The following NMBR variants were observed in gnomAD, a reference collection of about 807,000 sequenced individuals.
NMBR encodes neuromedin-B receptor.
NMBR carries 16 observed loss-of-function variants against 20.5 expected under a neutral mutation model. That is an observed-to-expected ratio of 0.78 (90% CI 0.53 to 1.19). NMBR has a LOEUF of 1.19. Ranked by LOEUF, NMBR falls within the 50% of genes most tolerant of loss-of-function variation. NMBR has a pLI of 0.00. For missense variants in NMBR, 582 were observed against 499.1 expected (o/e 1.17, Z -1.58); for synonymous variants, 212 against 196.6 (o/e 1.08, Z -0.65).
At chr6:142,122,543 C>G (rs544479972) in intron 1 of NMBR, among the ~76,000 whole-genome samples, 15 of 151,934 alleles carry the variant, frequency 9.9e-5, no homozygotes, top group South Asian at 8.3e-4. Context: ...CAGCTTTATA[C>G]TGGGAAAAGA....
intron 2 of NMBR, among the ~76,000 whole-genome samples, chr6:142,080,347 G>C (rs1582835373): frequency 8.5e-6 from 1 of 117,070 alleles, no homozygotes. Flanking sequence ...GTCTCACTCT[G>C]TCACCCAGGC....
chr6:142,111,115 G>A lies in NMBR; in HGVS notation c.-663-21794C>T, dbSNP rs1425685550. ...ATTAGCCAGGAGTGGTGGCATGCGC[G>A]TGTATTCCCAACTACTCAGGAGTCT... is the stretch of plus-strand genomic sequence containing the variant. On this transcript the variant is annotated intron_variant, in intron 1 of 3. Transcript: ENST00000258042. Among the ~76,000 whole-genome samples the A allele has an allele frequency of 7.9e-5, 12 of 151,944 alleles. No homozygotes were observed. In the South Asian group the frequency reaches 1.9e-3, roughly 24 times the overall value.
At chr6:142,090,053 T>C (rs1226480103) in intron 1 of NMBR, among the ~76,000 whole-genome samples, 1 of 152,178 alleles carries the variant, frequency 6.6e-6, no homozygotes, top group Non-Finnish European at 1.5e-5. Flanking sequence ...GATTGAGTAA[T>C]GCCACTCGTA....
At chr6:142,113,824 A>G (rs563380189) in intron 1 of NMBR, among the ~76,000 whole-genome samples, 1 of 152,184 alleles carries the variant, frequency 6.6e-6, no homozygotes, top group Non-Finnish European at 1.5e-5. Context: ...CCTCTAAATG[A>G]TTGTCATAAA....
intron 1 of NMBR, among the ~76,000 whole-genome samples, chr6:142,103,869 T>C (rs1438545005): frequency 2.0e-5 from 3 of 152,200 alleles, no homozygotes; most frequent in South Asian, 2.1e-4. Context: ...CATTAAAGTG[T>C]TGAAAATTCT....
In NMBR at chr6:142,079,903, C is replaced by T. The variant is rs991627961; in HGVS notation, c.423-1000G>A. Among the ~76,000 whole-genome samples the T allele has an allele frequency of 1.2e-4, 18 of 152,154 alleles. No individual in the cohort carries two copies. The East Asian group carries it at 3.1e-3, about 26-fold the overall frequency. On this transcript the variant is annotated intron_variant, in intron 2 of 3. Transcript: ENST00000258042. ...CCAGGACACAGTAAACAATCCAAAACTTTCTACAGCTAACTCAAACACACA... is the reference window on the plus strand; with the variant it reads ...CCAGGACACAGTAAACAATCCAAAATTTTCTACAGCTAACTCAAACACACA...
In NMBR at chr6:142,088,987, T is replaced by C. The variant is rs1777264799; in HGVS notation, c.-329A>G. Reference sequence around the variant, plus strand: ...GCGGTTATCTAGCGGAAAACAGCCTTTCAGGAACAAGGAGCTGTCCCTTGG... The same window carrying C: ...GCGGTTATCTAGCGGAAAACAGCCTCTCAGGAACAAGGAGCTGTCCCTTGG... On this transcript the variant is annotated 5_prime_UTR_variant, in exon 2 of 4. Transcript: ENST00000258042. Among the ~76,000 whole-genome samples the C allele has an allele frequency of 6.6e-6, 1 of 151,974 alleles. No individual in the cohort carries two copies. Among genetic ancestry groups the C allele is most frequent in the South Asian group, 2.1e-4 (1 of 4,822 alleles).
intron 1 of NMBR, among the ~76,000 whole-genome samples, chr6:142,132,582 C>A (rs946097241): frequency 1.3e-5 from 2 of 152,088 alleles, no homozygotes; most frequent in African/African-American, 4.8e-5. Context: ...AATGCAATAA[C>A]TATTATATCC....
At chr6:142,132,899 G>A (rs768146041) in intron 1 of NMBR, among the ~76,000 whole-genome samples, 10 of 152,154 alleles carry the variant, frequency 6.6e-5, no homozygotes, top group Admixed American at 3.9e-4. Flanking sequence ...GACAGTGTAA[G>A]TCAAGGGATT....
At chr6:142,143,831 A>C (rs1035079997) in intron 1 of NMBR, among the ~76,000 whole-genome samples, 4 of 151,658 alleles carry the variant, frequency 2.6e-5, no homozygotes, top group African/African-American at 9.7e-5. Flanking sequence ...TACTCTGAAG[A>C]CTTCTTTAAA....
In NMBR at chr6:142,088,856, C is replaced by A. The variant is rs1777260430; in HGVS notation, c.-198G>T. ...GGTCTGTCCACACACTCGGGCGCTC[C>A]GCTTCTAGAGGGGGGAAATGGCTCC... is the stretch of plus-strand genomic sequence containing the variant. On this transcript the variant is annotated 5_prime_UTR_variant, in exon 2 of 4. Transcript: ENST00000258042. The A allele has an allele frequency of 3.9e-6, 2 of 516,250 alleles. No homozygotes were observed. Among genetic ancestry groups the A allele is most frequent in the Non-Finnish European group, 6.9e-6 (2 of 290,832 alleles). The allele number at this position is 516,250 out of a possible 1,614,324, so 32.0% of individuals were successfully genotyped here. A position where few individuals can be genotyped will look rare whatever the true frequency, so the allele number is the denominator to read the frequency against.
rs1777241716 is a variant in NMBR at position 142,088,393 on chromosome 6, TC to T, written c.265del (p.Asp89ThrfsTer30). On this transcript the variant is annotated frameshift_variant, in exon 2 of 4. Transcript: ENST00000258042. LOFTEE classifies it high-confidence loss of function. ...GACGCAGGTGAGCAGCAGCAGCAAGTCCCCGGCCGCCAGGTTAGAGATGAAG... is the reference window on the plus strand; with the variant it reads ...GACGCAGGTGAGCAGCAGCAGCAAGTCCCGGCCGCCAGGTTAGAGATGAAG... Reference protein sequence around the residue: ...NIFISNLAAGDLLLLLTCVPV... With the variant: ...NIFISNLAAGXLLLLLTCVPV... 6.2e-7 allele frequency: 1 copy of T among 1,613,644 alleles called. No homozygotes were observed. Among genetic ancestry groups the T allele is most frequent in the Non-Finnish European group, 8.5e-7 (1 of 1,179,912 alleles).
intron 2 of NMBR, among the ~76,000 whole-genome samples, chr6:142,081,021 T>C (rs1777082426): frequency 6.6e-6 from 1 of 152,202 alleles, no homozygotes; most frequent in Non-Finnish European, 1.5e-5. Flanking sequence ...CAACATAAAT[T>C]TGTCACAATT....
At chr6:142,127,371 C>A (rs1013954140) in intron 1 of NMBR, among the ~76,000 whole-genome samples, 1 of 151,912 alleles carries the variant, frequency 6.6e-6, no homozygotes, top group Non-Finnish European at 1.5e-5. Context: ...CAATACTATA[C>A]TATTTTGATT....
Position 142,078,592 on chromosome 6 carries a change from TTG to T in NMBR, c.732_733del (p.His244GlnfsTer8). Reference sequence around the variant, plus strand: ...ATGTTCATTGTATTCTCCAGGAAGATTGTGTGCGCTTTTAATTAAGGTCTTTG... The same window carrying T: ...ATGTTCATTGTATTCTCCAGGAAGATTGTGCGCTTTTAATTAAGGTCTTTG... On this transcript the variant is annotated frameshift_variant, in exon 3 of 4. Transcript: ENST00000258042. LOFTEE classifies it high-confidence loss of function. 2 of 1,608,690 alleles carry T rather than the reference TTG, an allele frequency of 1.2e-6. No individual in the cohort carries two copies. The highest frequency in any genetic ancestry group is 1.7e-6 in the Non-Finnish European group (2 of 1,177,246).
At chr6:142,082,994 T>C (rs571836706) in intron 2 of NMBR, among the ~76,000 whole-genome samples, 3 of 152,292 alleles carry the variant, frequency 2.0e-5, no homozygotes, top group South Asian at 2.1e-4. Context: ...AAGTTTCAGA[T>C]CAAGGTAGAT....
intron 1 of NMBR, chr6:142,133,148 T>C (rs1186572889): frequency 3.0e-6 from 2 of 670,142 alleles, no homozygotes; most frequent in Non-Finnish European, 5.4e-6. Context: ...CAGGATAACA[T>C]CTCCTGAGAC....
At chr6:142,126,879 T>G (rs1778049165) in intron 1 of NMBR, among the ~76,000 whole-genome samples, 1 of 150,896 alleles carries the variant, frequency 6.6e-6, no homozygotes, top group African/African-American at 2.4e-5. Flanking sequence ...AGGTTGCTCA[T>G]TCAATGTTGG....
chr6:142,109,344 A>T (rs1353340279), intron 1 of NMBR, among the ~76,000 whole-genome samples: 6 of 152,188 alleles, frequency 3.9e-5, no homozygotes, highest in African/African-American at 1.2e-4. Context: ...GGACTCGAGG[A>T]TATAAGGTCA....
Sources: gnomAD v4.1 joint callset for allele counts (sites outside exome capture counted in the v4.1 genomes callset) on GRCh38, gnomAD v4.1.1 for gene constraint, MANE v1.5 for transcripts, NCBI Gene and HGNC (gene_info 2026-07-23, HGNC 2026-07-21) for gene names.